INPP5K: variants seen among roughly 807,000 people sequenced by gnomAD.
INPP5K encodes inositol polyphosphate 5-phosphatase K.
In INPP5K, 35 loss-of-function variants were observed where a neutral mutation model predicts 53.5. The ratio of observed to expected loss-of-function variants is 0.65; its 90% CI spans 0.50 to 0.87. The LOEUF (loss-of-function observed/expected upper bound fraction) is 0.87, where lower values mean the gene tolerates loss of function less well. INPP5K is among the 40% of genes least tolerant of loss of function. The pLI, the probability that INPP5K is intolerant of heterozygous loss-of-function variation, is 0.00. For synonymous variants in INPP5K, 253 were observed against 232.8 expected (o/e 1.09, Z -0.79); for missense variants, 550 against 586.2 (o/e 0.94, Z 0.64).
At position 1,513,494 on chromosome 17, in the gene INPP5K, T is replaced by A; in HGVS notation, c.220A>T (p.Ser74Cys). ...SDAAFNDSWS[S>C]FLMDVLSPLS... is the part of the protein sequence containing the mutation. ...GGGGAAAGCACATCCATGAGGAAAC[T>A]GCTCCACGAGTCATTAAAGGCAGCA... The change falls in exon 3 of 12, where the codon AGT becomes TGT. Residue 74 changes from serine (S) to cysteine (C), a missense_variant. By Grantham distance (112) the Ser-to-Cys change is moderately radical. Transcript: ENST00000421807. The A allele has an allele frequency of 3.7e-6, 6 of 1,614,212 alleles. No individual in the cohort carries two copies. The highest frequency in any genetic ancestry group is 5.1e-6 in the Non-Finnish European group (6 of 1,180,032).
intron 1 of INPP5K, 42 bp downstream of exon 1, chr17:1,516,414 T>TC: frequency 1.3e-6 from 2 of 1,561,704 alleles, no homozygotes; most frequent in South Asian, 1.1e-5. Flanking sequence ...GGGGCGCCGA[T>TC]CCCCCCGAGC....
rs779320132 is a variant in INPP5K, at chr17:1,507,054, C to T, written c.702G>A (p.Arg234=). 5 of 1,614,010 alleles carry T rather than the reference C, an allele frequency of 3.1e-6. No homozygotes were observed. Among genetic ancestry groups the T allele is most frequent in the Non-Finnish European group, 4.2e-6 (5 of 1,179,982 alleles). Residue 234 remains arginine, a synonymous_variant, in exon 7 of 12, where the codon CGG becomes CGA. Transcript: ENST00000421807. ...SIAKKHDPLL[R]EFQEGRLLFP... is the part of the protein sequence containing the mutation. ...AGAGTAGGCGGCCCTCCTGGAACTCCCGGAGCAGCGGGTCATGTTTCTTGG... is the reference window on the plus strand; with the variant it reads ...AGAGTAGGCGGCCCTCCTGGAACTCTCGGAGCAGCGGGTCATGTTTCTTGG...
intron 7 of INPP5K, among the ~76,000 whole-genome samples, chr17:1,503,575 G>C (rs1231701576): frequency 6.6e-6 from 1 of 152,038 alleles, no homozygotes; most frequent in Non-Finnish European, 1.5e-5. Context: ...AATTAGCCAG[G>C]CATGGTGGCG....
At chr17:1,514,771 C>T (rs1423902899) in intron 1 of INPP5K, among the ~76,000 whole-genome samples, 1 of 152,116 alleles carries the variant, frequency 6.6e-6, no homozygotes, top group Non-Finnish European at 1.5e-5. Flanking sequence ...CAGATTTCAC[C>T]TTGTGATAGG....
intron 1 of INPP5K, chr17:1,515,839 C>T: frequency 2.2e-6 from 2 of 902,570 alleles, no homozygotes; most frequent in Non-Finnish European, 2.7e-6. Context: ...CCGACAGAGG[C>T]TTAAGGAACA....
chr17:1,509,265 T>C lies in INPP5K; in HGVS notation c.467A>G (p.Asn156Ser), dbSNP rs370184510. 20 of 1,614,064 alleles carry C rather than the reference T, an allele frequency of 1.2e-5. No homozygotes were observed. Among genetic ancestry groups the C allele is most frequent in the Admixed American group, 1.0e-4 (6 of 60,012 alleles). ...AAAGTGCTCCAGCCGCTGGTAATTG[T>C]TGGAAATGTGGGGAGGCAGGTGGCA... ...INCHLPPHIS[N>S]NYQRLEHFDR... Residue 156 changes from asparagine to serine, a missense_variant, in exon 5 of 12, where the codon AAC becomes AGC. Coordinates refer to ENST00000421807, the MANE Select transcript of INPP5K (RefSeq NM_016532.4).
In INPP5K at chr17:1,498,051, G is replaced by A. The variant is rs770063831; in HGVS notation, c.848C>T (p.Pro283Leu). The A allele has an allele frequency of 3.1e-6, 5 of 1,613,992 alleles. No homozygotes were observed. Among genetic ancestry groups the A allele is most frequent in the Admixed American group, 3.3e-5 (2 of 59,996 alleles). Residue 283 changes from proline (P) to leucine (L), a missense_variant, in exon 8 of 12, where the codon CCC becomes CTC. By Grantham distance (98) the Pro-to-Leu change is moderately conservative. Coordinates refer to ENST00000421807, the MANE Select transcript of INPP5K (RefSeq NM_016532.4). Reference sequence around the variant, plus strand: ...TGACGCCGGCGGTATGGGAGTGTCGGGGCCAGCACAGGGCTGCCGCTTCAG... The same window carrying A: ...TGACGCCGGCGGTATGGGAGTGTCGAGGCCAGCACAGGGCTGCCGCTTCAG... ...WRLKRQPCAGPDTPIPPASHF... is the reference protein window; with the variant it reads ...WRLKRQPCAGLDTPIPPASHF...
chr17:1,516,324 T>C (rs2075436543), intron 1 of INPP5K, 132 bp downstream of exon 1: 6 of 1,082,934 alleles, frequency 5.5e-6, no homozygotes, highest in Non-Finnish European at 7.8e-6. Flanking sequence ...GACACAGGCG[T>C]GGGAGAAGGC....
intron 5 of INPP5K, 45 bp from the exon 6 acceptor site, chr17:1,508,271 G>C (rs760494361): frequency 5.9e-5 from 87 of 1,462,882 alleles, no homozygotes; most frequent in Non-Finnish European, 8.2e-5. Context: ...TGATGAAGTC[G>C]GGGAAGGGAG....
chr17:1,502,456 G>A (rs933452049), intron 7 of INPP5K, among the ~76,000 whole-genome samples: 2 of 152,100 alleles, frequency 1.3e-5, no homozygotes, highest in Non-Finnish European at 2.9e-5. Context: ...GCCCATATAT[G>A]CTGTCATGTA....
chr17:1,513,779 A>G, intron 2 of INPP5K, 93 bp downstream of exon 2: 1 of 1,058,736 alleles, frequency 9.4e-7, no homozygotes, highest in South Asian at 1.5e-5. Context: ...CCCAGCCTTC[A>G]GACTCCAGAG....
rs749343385 is a variant in INPP5K at position 1,509,236 on chromosome 17, G to T, written c.496C>A (p.Arg166=). The change falls in exon 5 of 12, where the codon CGG becomes AGG. Residue 166 remains arginine, a synonymous_variant. Transcript: ENST00000421807. Reference sequence around the variant, plus strand: ...TCACAATTCTGCATCTCCAGGATCCGGTCAAAGTGCTCCAGCCGCTGGTAA... The same window carrying T: ...TCACAATTCTGCATCTCCAGGATCCTGTCAAAGTGCTCCAGCCGCTGGTAA... ...NNYQRLEHFD[R]ILEMQNCEGR... 8 of 1,613,916 alleles carry T rather than the reference G, an allele frequency of 5.0e-6. No homozygotes were observed. The highest frequency in any genetic ancestry group is 1.3e-5 in the African/African-American group (1 of 74,890).
chr17:1,502,191 T>TA (rs1397151330), intron 7 of INPP5K, among the ~76,000 whole-genome samples: 1 of 148,828 alleles, frequency 6.7e-6, no homozygotes, highest in Admixed American at 6.7e-5. Flanking sequence ...CTACTAAAAA[T>TA]ACAAAAAATT....
At chr17:1,512,081 C>T (rs2075322800) in intron 3 of INPP5K, among the ~76,000 whole-genome samples, 1 of 152,158 alleles carries the variant, frequency 6.6e-6, no homozygotes, top group Admixed American at 6.5e-5. Flanking sequence ...ACGGAGCTCA[C>T]CCATCCACCC....
rs372388577 is a variant in INPP5K at position 1,502,160 on chromosome 17, T to A, written c.777-4038A>T. 6.0e-5 allele frequency among the ~76,000 whole-genome samples: 9 copies of A among 150,496 alleles called. No individual in the cohort carries two copies. In the East Asian group the frequency reaches 1.4e-3, roughly 23 times the overall value. The stretch of plus-strand genomic sequence containing the variant: ...GTCAGGACATGGAGACCATCCTGGC[T>A]AACATGGTGAAACCCCGTCTCTACT... On this transcript the variant is annotated intron_variant, in intron 7 of 11. Coordinates refer to ENST00000421807, the MANE Select transcript of INPP5K (RefSeq NM_016532.4).
Position 1,516,579 on chromosome 17 carries a change from G to A in INPP5K, c.-80C>T, listed in dbSNP as rs1474805235. The A allele has an allele frequency of 3.5e-6, 5 of 1,442,718 alleles. No homozygotes were observed. Among genetic ancestry groups the A allele is most frequent in the East Asian group, 2.8e-5 (1 of 35,114 alleles). The allele number at this position is 1,442,718 out of a possible 1,614,324, so 89.4% of individuals were successfully genotyped here. A position where few individuals can be genotyped will look rare whatever the true frequency, so the allele number is the denominator to read the frequency against. On this transcript the variant is annotated 5_prime_UTR_variant, in exon 1 of 12. Transcript: ENST00000421807. ...GGTCCCGGCCAGAGCAGCCCTGCGGGCGGCCGGTCTCACGCGCCTAGCTGT... is the reference window on the plus strand; with the variant it reads ...GGTCCCGGCCAGAGCAGCCCTGCGGACGGCCGGTCTCACGCGCCTAGCTGT...
chr17:1,508,273 G>T, intron 5 of INPP5K, 47 bp from the exon 6 acceptor site: 1 of 1,459,134 alleles, frequency 6.9e-7, no homozygotes, highest in Non-Finnish European at 9.6e-7. Context: ...ATGAAGTCGG[G>T]GAAGGGAGAT....
chr17:1,501,803 G>A (rs1310821279), intron 7 of INPP5K, among the ~76,000 whole-genome samples: 1 of 151,830 alleles, frequency 6.6e-6, no homozygotes, highest in East Asian at 1.9e-4. Flanking sequence ...CGGATCACAA[G>A]GTCAGGAGTT....
At chr17:1,499,224 G>A (rs551671398) in intron 7 of INPP5K, among the ~76,000 whole-genome samples, 10 of 152,286 alleles carry the variant, frequency 6.6e-5, no homozygotes, top group African/African-American at 9.6e-5. Context: ...CTCAAGAGTC[G>A]ACTGAGAGGC....
Sources: gnomAD v4.1 joint callset for allele counts (sites outside exome capture counted in the v4.1 genomes callset) on GRCh38, gnomAD v4.1.1 for gene constraint, MANE v1.5 for transcripts, NCBI Gene and HGNC (gene_info 2026-07-23, HGNC 2026-07-21) for gene names.